The following IMMP2L variants were observed in gnomAD, a reference collection of about 807,000 sequenced individuals.
IMMP2L encodes the protein mitochondrial inner membrane protease subunit 2.
Under a neutral mutation model 19.3 loss-of-function variants are expected in IMMP2L, and 18 were observed. The observed-to-expected ratio is 0.93, with a 90% confidence interval of 0.64 to 1.38. The LOEUF is 1.38. IMMP2L is among the 40% of genes most tolerant of loss of function. The pLI, the probability that IMMP2L is intolerant of heterozygous loss-of-function variation, is 0.00. For synonymous variants in IMMP2L, 76 were observed against 73.0 expected, an observed-to-expected ratio of 1.04 and a Z score of -0.21; for missense variants, 233 against 218.2, an observed-to-expected ratio of 1.07 and a Z score of -0.43.
chr7:111,509,584 A>G (rs1166260662), intron 2 of IMMP2L, among the ~76,000 whole-genome samples: 1 of 152,212 alleles, frequency 6.6e-6, no homozygotes, highest in African/African-American at 2.4e-5. Flanking sequence ...TGACCAGAAC[A>G]GAAAATATCA....
Position 111,539,266 on chromosome 7 carries a change from GAAA to G in IMMP2L, c.-2-17820_-2-17818del, listed in dbSNP as rs1563331563. ...AGAAAGAAAGAAAGAAAGAAAGAAA[GAAA>G]GAGAACATACGTCGATTACTACATA... On this transcript the variant is annotated intron_variant, in intron 1 of 5. Transcript: ENST00000405709. Among the ~76,000 whole-genome samples, 302 of 142,738 alleles carry G rather than the reference GAAA, an allele frequency of 2.1e-3. 6 individuals carry two copies. Among genetic ancestry groups the G allele is most frequent in the African/African-American group, 2.9e-3 (109 of 37,998 alleles). 93.6% of individuals were successfully genotyped at this position (142,738 alleles called of 152,430 possible). A position where few individuals can be genotyped will look rare whatever the true frequency, so the allele number is the denominator to read the frequency against.
chr7:111,189,777 ACCCC>A (rs1808671103), intron 3 of IMMP2L, among the ~76,000 whole-genome samples: 1 of 152,006 alleles, frequency 6.6e-6, no homozygotes, highest in African/African-American at 2.4e-5. Context: ...CCTCCAACCC[ACCCC>A]AGGCATGGGA....
At chr7:111,292,632 G>C (rs1821236208) in intron 3 of IMMP2L, among the ~76,000 whole-genome samples, 1 of 151,960 alleles carries the variant, frequency 6.6e-6, no homozygotes, top group Admixed American at 6.6e-5. Context: ...CTGTCATCTA[G>C]AGAGTATTAT....
intron 5 of IMMP2L, among the ~76,000 whole-genome samples, chr7:110,732,082 T>C (rs1584646063): frequency 6.6e-6 from 1 of 151,954 alleles, no homozygotes; most frequent in East Asian, 1.9e-4. Context: ...TGGGGCGGGG[T>C]TGGAGAAACT....
intron 3 of IMMP2L, among the ~76,000 whole-genome samples, chr7:111,381,694 A>G (rs530805096): frequency 6.6e-6 from 1 of 152,094 alleles, no homozygotes; most frequent in Non-Finnish European, 1.5e-5. Flanking sequence ...AGAAAAGCTC[A>G]AAAGAAGAAA....
At chr7:110,956,699 A>G (rs911805740) in intron 4 of IMMP2L, among the ~76,000 whole-genome samples, 1 of 151,914 alleles carries the variant, frequency 6.6e-6, no homozygotes, top group African/African-American at 2.4e-5. Context: ...CCCTTACTTC[A>G]TTGAGGTTGC....
intron 3 of IMMP2L, among the ~76,000 whole-genome samples, chr7:111,264,702 C>T (rs1032060278): frequency 6.6e-6 from 1 of 151,044 alleles, no homozygotes; most frequent in Non-Finnish European, 1.5e-5. Context: ...TGGGAGGCTG[C>T]CCCACTACCT....
intron 4 of IMMP2L, among the ~76,000 whole-genome samples, chr7:110,955,930 TA>T (rs749142881): frequency 9.3e-5 from 14 of 150,412 alleles, no homozygotes; most frequent in African/African-American, 2.7e-4. Context: ...CACCAATCAT[TA>T]AAAAAAAAGA....
chr7:110,742,953 GA>G (rs1797088632), intron 5 of IMMP2L, among the ~76,000 whole-genome samples: 1 of 151,862 alleles, frequency 6.6e-6, no homozygotes. Context: ...TTCCTAAAAG[GA>G]AAAACCACCT....
At chr7:111,197,779 A>C (rs1425228972) in intron 3 of IMMP2L, among the ~76,000 whole-genome samples, 1 of 152,176 alleles carries the variant, frequency 6.6e-6, no homozygotes, top group African/African-American at 2.4e-5. Flanking sequence ...TCTAATTCTA[A>C]AGACTAAAAT....
chr7:111,261,469 C>G lies in IMMP2L; in HGVS notation c.239+225769G>C, dbSNP rs147639610. ...TACCAGTCTAAATTCCCTTTACTCT[C>G]TGATTCAGGGCTTCATTCATTCAGC... On this transcript the variant is annotated intron_variant, in intron 3 of 5. Transcript: ENST00000405709. Among the ~76,000 whole-genome samples, 426 of 152,274 alleles carry G rather than the reference C, an allele frequency of 2.8e-3. 2 individuals are homozygous for G. Among genetic ancestry groups the G allele is most frequent in the African/African-American group, 9.6e-3 (397 of 41,554 alleles).
At chr7:111,232,534 GA>G (rs1165902445) in intron 3 of IMMP2L, among the ~76,000 whole-genome samples, 1 of 151,978 alleles carries the variant, frequency 6.6e-6, no homozygotes, top group Non-Finnish European at 1.5e-5. Context: ...TCAATTTTCT[GA>G]ACCAATAAAT....
At chr7:111,207,537 T>G (rs1235797377) in intron 3 of IMMP2L, among the ~76,000 whole-genome samples, 9 of 128,048 alleles carry the variant, frequency 7.0e-5, no homozygotes, top group African/African-American at 1.8e-4. Flanking sequence ...ATTTTTGGTT[T>G]TTTTTTTTTT....
chr7:110,670,863 T>C (rs1243896401), intron 5 of IMMP2L, among the ~76,000 whole-genome samples: 2 of 152,128 alleles, frequency 1.3e-5, no homozygotes, highest in African/African-American at 4.8e-5. Flanking sequence ...TGCTAAAGTA[T>C]AAATAACTCT....
At chr7:110,987,344 A>G (rs922742760) in intron 3 of IMMP2L, among the ~76,000 whole-genome samples, 2 of 152,218 alleles carry the variant, frequency 1.3e-5, no homozygotes, top group Non-Finnish European at 2.9e-5. Context: ...CATTCCACTC[A>G]GTAAACCTGT....
rs1792181149 is a variant in IMMP2L at position 111,562,299 on chromosome 7, C to G, written c.-451G>C. The G allele has an allele frequency of 6.6e-6, 1 of 152,456 alleles. No individual in the cohort carries two copies. Among genetic ancestry groups the G allele is most frequent in the Non-Finnish European group, 1.5e-5 (1 of 68,244 alleles). 9.4% of individuals were successfully genotyped at this position (152,456 alleles called of 1,614,324 possible). A position where few individuals can be genotyped will look rare whatever the true frequency, so the allele number is the denominator to read the frequency against. ...ACGCAGGACTCGCGGCCGCGCACCC[C>G]TCCGCCTCCCGGCAACGCCCGCCCC... On this transcript the variant is annotated 5_prime_UTR_variant, in exon 1 of 6. Coordinates refer to ENST00000405709, the MANE Select transcript of IMMP2L (RefSeq NM_032549.4).
At chr7:111,521,830 T>A (rs1318666832) in intron 1 of IMMP2L, among the ~76,000 whole-genome samples, 1 of 152,144 alleles carries the variant, frequency 6.6e-6, no homozygotes, top group African/African-American at 2.4e-5. Flanking sequence ...CAGTGGAACA[T>A]GTGGCTGCCC....
chr7:111,352,543 T>C (rs1227864669), intron 3 of IMMP2L, among the ~76,000 whole-genome samples: 1 of 152,004 alleles, frequency 6.6e-6, no homozygotes, highest in Non-Finnish European at 1.5e-5. Context: ...ACCTCCTCTC[T>C]CTCATGCTTC....
intron 3 of IMMP2L, among the ~76,000 whole-genome samples, chr7:111,140,149 G>T (rs1802733823): frequency 6.6e-6 from 1 of 152,096 alleles, no homozygotes; most frequent in African/African-American, 2.4e-5. Flanking sequence ...ACAGAGAAAA[G>T]ACAGAGTTGG....
Sources: allele counts gnomAD v4.1 joint callset (sites outside exome capture counted in the v4.1 genomes callset), GRCh38; gene constraint gnomAD v4.1.1; transcripts MANE v1.5; gene names NCBI Gene and HGNC (gene_info 2026-07-23, HGNC 2026-07-21).